The following CACNA1D variants were observed in gnomAD, a reference collection of about 807,000 sequenced individuals.
CACNA1D encodes calcium voltage-gated channel subunit alpha1 D, also known as voltage-dependent L-type calcium channel subunit alpha-1D.
CACNA1D carries 55 observed loss-of-function variants against 257.1 expected under a neutral mutation model. The ratio of observed to expected loss-of-function variants is 0.21; its 90% CI spans 0.17 to 0.27. The LOEUF is 0.27. Ranked by LOEUF, CACNA1D falls within the 10% of genes least tolerant of loss-of-function variation. The probability of loss-of-function intolerance (pLI) is 1.00; values close to 1 mark genes in which losing one functional copy is unlikely to be tolerated. For missense variants in CACNA1D, 1,876 were observed against 2,784.0 expected (o/e 0.67, Z 7.34); for synonymous variants, 980 against 1,014.9 (o/e 0.97, Z 0.65).
intron 37 of CACNA1D, among the ~76,000 whole-genome samples, chr3:53,779,634 TC>T (rs1283936755): frequency 6.6e-6 from 1 of 152,024 alleles, no homozygotes; most frequent in Non-Finnish European, 1.5e-5. Flanking sequence ...ACAATTGATG[TC>T]CCAGCTTAAT....
chr3:53,580,808 T>G, intron 3 of CACNA1D, among the ~76,000 whole-genome samples: 1 of 152,234 alleles, frequency 6.6e-6, no homozygotes, highest in Admixed American at 6.5e-5. Context: ...GCCATGTATG[T>G]CTTCATCAAA....
chr3:53,591,966 C>T (rs1235490872), intron 3 of CACNA1D, among the ~76,000 whole-genome samples: 3 of 151,184 alleles, frequency 2.0e-5, no homozygotes, highest in African/African-American at 2.5e-5. Context: ...TTTTCTTTCC[C>T]TGCTTTTCCA....
chr3:53,575,969 G>A (rs1474783761), intron 3 of CACNA1D, among the ~76,000 whole-genome samples: 6 of 152,114 alleles, frequency 3.9e-5, no homozygotes, highest in Admixed American at 3.9e-4. Context: ...ATAAATGGCT[G>A]GAAAAATTAG....
At chr3:53,618,383 GAGAC>G in intron 3 of CACNA1D, among the ~76,000 whole-genome samples, 1 of 152,222 alleles carries the variant, frequency 6.6e-6, no homozygotes, top group Non-Finnish European at 1.5e-5. Flanking sequence ...TGCTGATGCG[GAGAC>G]TTCCCTGGCA....
chr3:53,728,770 C>T lies in CACNA1D; in HGVS notation c.2222-1672C>T, dbSNP rs146847072. Among the ~76,000 whole-genome samples, 59 of 152,304 alleles carry T rather than the reference C, an allele frequency of 3.9e-4. 1 individual carries two copies. The East Asian group carries it at 5.6e-3, about 14-fold the overall frequency. ...CTCTGTCTTCCCCAACTAGAGTAGA[C>T]ATTCCAGTGTGTGGTGTTTCTTCCT... On this transcript the variant is annotated intron_variant, in intron 15 of 47. Transcript: ENST00000350061.
intron 40 of CACNA1D, among the ~76,000 whole-genome samples, chr3:53,799,475 C>T (rs569353356): frequency 5.3e-5 from 8 of 152,284 alleles, no homozygotes; most frequent in Admixed American, 2.6e-4. Context: ...GTATCTGTGA[C>T]GGGCCCAGAG....
intron 3 of CACNA1D, among the ~76,000 whole-genome samples, chr3:53,594,628 A>G (rs1298109760): frequency 6.6e-6 from 1 of 152,228 alleles, no homozygotes; most frequent in Non-Finnish European, 1.5e-5. Flanking sequence ...CTGGGACAGA[A>G]TTTTCCAGGC....
At position 53,621,134 on chromosome 3, in the gene CACNA1D, C is replaced by T. The variant is rs544241892; in HGVS notation, c.484-29645C>T. Reference sequence around the variant, plus strand: ...TTATTACAGATGACACCTATGAATGCAAGTGAGGGAAAAGAACCGACTAAG... The same window carrying T: ...TTATTACAGATGACACCTATGAATGTAAGTGAGGGAAAAGAACCGACTAAG... On this transcript the variant is annotated intron_variant, in intron 3 of 47. Transcript: ENST00000350061. 2.2e-4 allele frequency among the ~76,000 whole-genome samples: 33 copies of T among 152,268 alleles called. No homozygotes were observed. In the South Asian group the frequency reaches 6.8e-3, roughly 32 times the overall value.
At position 53,812,674 on chromosome 3, in the gene CACNA1D, C is replaced by G. The variant is rs982469395; in HGVS notation, c.*1268C>G. The G allele has an allele frequency of 2.0e-5, 3 of 152,146 alleles. No individual in the cohort carries two copies. Among genetic ancestry groups the G allele is most frequent in the Non-Finnish European group, 2.9e-5 (2 of 68,038 alleles). 9.4% of individuals were successfully genotyped at this position (152,146 alleles called of 1,614,324 possible). On this transcript the variant is annotated 3_prime_UTR_variant, in exon 48 of 48. Transcript: ENST00000350061. ...CCATAGTTACGGTTTTCTCTGTGGC[C>G]CACCCAGGGTGTTTTTTGCATCGCT...
intron 3 of CACNA1D, among the ~76,000 whole-genome samples, chr3:53,515,946 G>GT (rs1462135888): frequency 6.6e-6 from 1 of 152,140 alleles, no homozygotes; most frequent in Non-Finnish European, 1.5e-5. Flanking sequence ...GCCTTCCACC[G>GT]TATCAGGAGA....
At chr3:53,748,908 G>A (rs1437681700) in intron 26 of CACNA1D, among the ~76,000 whole-genome samples, 3 of 152,210 alleles carry the variant, frequency 2.0e-5, no homozygotes, top group Non-Finnish European at 1.5e-5. Context: ...GAACTACTCT[G>A]GTTGGTCACT....
chr3:53,648,929 A>G (rs545297676), intron 3 of CACNA1D, among the ~76,000 whole-genome samples: 2 of 152,294 alleles, frequency 1.3e-5, no homozygotes, highest in Admixed American at 6.5e-5. Context: ...GCAAGTGTTT[A>G]GAAATGACAG....
intron 7 of CACNA1D, among the ~76,000 whole-genome samples, chr3:53,671,770 C>T (rs929426643): frequency 3.3e-5 from 5 of 152,112 alleles, no homozygotes; most frequent in African/African-American, 4.8e-5. Context: ...TTTGGCTTCT[C>T]GAGGCAAACA....
intron 21 of CACNA1D, 117 bp from the exon 22 acceptor site, chr3:53,742,894 A>C: frequency 1.3e-6 from 1 of 762,060 alleles, no homozygotes; most frequent in South Asian, 1.5e-5. Flanking sequence ...TACATTTCTG[A>C]CTTCTTAATG....
intron 3 of CACNA1D, among the ~76,000 whole-genome samples, chr3:53,620,508 T>G (rs1576119256): frequency 6.6e-6 from 1 of 152,188 alleles, no homozygotes; most frequent in East Asian, 1.9e-4. Flanking sequence ...CCCAGACTGG[T>G]CTCAAACTCT....
chr3:53,566,580 A>T (rs569772833), intron 3 of CACNA1D, among the ~76,000 whole-genome samples: 71 of 152,198 alleles, frequency 4.7e-4, no homozygotes, highest in Admixed American at 4.6e-3. Flanking sequence ...GTCACTTCCT[A>T]GAGGACCAGG....
intron 3 of CACNA1D, among the ~76,000 whole-genome samples, chr3:53,543,271 C>T (rs1048757182): frequency 6.6e-6 from 1 of 152,176 alleles, no homozygotes; most frequent in African/African-American, 2.4e-5. Flanking sequence ...TTCGTAATGT[C>T]TCTGAATTTA....
intron 3 of CACNA1D, among the ~76,000 whole-genome samples, chr3:53,558,806 G>C (rs1401731321): frequency 6.6e-6 from 1 of 151,912 alleles, no homozygotes; most frequent in Non-Finnish European, 1.5e-5. Context: ...ATTGTCTTTA[G>C]TTTTTAGCAA....
chr3:53,534,453 C>G (rs563465269), intron 3 of CACNA1D, among the ~76,000 whole-genome samples: 1 of 152,356 alleles, frequency 6.6e-6, no homozygotes, highest in East Asian at 1.9e-4. Flanking sequence ...GATAGAAAGA[C>G]GGAGTCTGCA....
Sources: gnomAD v4.1 joint callset for allele counts (sites outside exome capture counted in the v4.1 genomes callset) on GRCh38, gnomAD v4.1.1 for gene constraint, MANE v1.5 for transcripts, NCBI Gene and HGNC (gene_info 2026-07-23, HGNC 2026-07-21) for gene names.